HYDIN: variants seen among roughly 807,000 people sequenced by gnomAD.
HYDIN encodes axonemal central pair apparatus protein HYDIN.
Under a neutral mutation model 403.9 loss-of-function variants are expected in HYDIN, and 132 were observed. The ratio of observed to expected loss-of-function variants is 0.33; its 90% CI spans 0.28 to 0.38. The LOEUF (loss-of-function observed/expected upper bound fraction) is 0.38. Among genes scored for constraint, HYDIN ranks in the 10% least tolerant of loss-of-function variants. HYDIN has a pLI of 1.00. For synonymous variants in HYDIN, 1,202 were observed against 1,891.7 expected (o/e 0.64, Z 9.46); for missense variants, 2,827 against 5,009.5 (o/e 0.56, Z 13.15).
At chr16:71,059,291 A>C (rs536909138) in intron 18 of HYDIN, among the ~76,000 whole-genome samples, 51 of 152,100 alleles carry the variant, frequency 3.4e-4, no homozygotes, top group Non-Finnish European at 6.8e-4. Context: ...TTTACATGTA[A>C]GTCTTTCATC....
intron 1 of HYDIN, among the ~76,000 whole-genome samples, chr16:71,218,264 G>A (rs1319400899): frequency 2.0e-5 from 3 of 152,236 alleles, no homozygotes; most frequent in Non-Finnish European, 2.9e-5. Flanking sequence ...AATAAGATAT[G>A]GGGAGAAAAC....
At chr16:70,978,072 T>TTC (rs2078937977) in intron 30 of HYDIN, among the ~76,000 whole-genome samples, 1 of 152,046 alleles carries the variant, frequency 6.6e-6, no homozygotes, top group South Asian at 2.1e-4. Flanking sequence ...ACGCAGATGA[T>TTC]GCACAGAAAT....
chr16:71,141,579 T>C (rs1360363468), intron 7 of HYDIN, among the ~76,000 whole-genome samples: 5 of 151,978 alleles, frequency 3.3e-5, no homozygotes, highest in South Asian at 2.1e-4. Context: ...AGCTGCAAGA[T>C]AGCACTAGTA....
At chr16:70,915,996 C>G (rs2076828450) in intron 47 of HYDIN, among the ~76,000 whole-genome samples, 1 of 152,276 alleles carries the variant, frequency 6.6e-6, no homozygotes, top group Non-Finnish European at 1.5e-5. Flanking sequence ...CCACCATGCC[C>G]CCACCAACAG....
chr16:71,036,067 C>G (rs530339416), intron 18 of HYDIN, among the ~76,000 whole-genome samples: 108 of 152,226 alleles, frequency 7.1e-4, no homozygotes, highest in African/African-American at 2.5e-3. Flanking sequence ...GCCAAAGTTT[C>G]CTTGTTGGTT....
At chr16:70,832,482 C>T (rs1230612748) in intron 80 of HYDIN, among the ~76,000 whole-genome samples, 1 of 151,814 alleles carries the variant, frequency 6.6e-6, no homozygotes, top group Non-Finnish European at 1.5e-5. Context: ...TGCTAGGTAA[C>T]ACAGCTGATG....
At chr16:71,094,878 C>G (rs1435819611) in intron 10 of HYDIN, among the ~76,000 whole-genome samples, 1 of 152,086 alleles carries the variant, frequency 6.6e-6, no homozygotes, top group Non-Finnish European at 1.5e-5. Context: ...CAGACTTACA[C>G]ACAAATCTCC....
intron 12 of HYDIN, among the ~76,000 whole-genome samples, chr16:71,085,556 T>C (rs1002050089): frequency 4.6e-5 from 7 of 152,084 alleles, no homozygotes; most frequent in East Asian, 1.9e-4. Context: ...AAGTGGGGTA[T>C]TGACATCCCC....
At chr16:70,853,656 A>G (rs1026692999) in intron 73 of HYDIN, among the ~76,000 whole-genome samples, 4 of 143,442 alleles carry the variant, frequency 2.8e-5, no homozygotes, top group Non-Finnish European at 5.9e-5. Context: ...TGATAGACAC[A>G]GAGGAAAGTA....
chr16:71,178,326 G>C (rs2086756395), intron 4 of HYDIN, among the ~76,000 whole-genome samples: 1 of 151,192 alleles, frequency 6.6e-6, no homozygotes, highest in Admixed American at 6.6e-5. Context: ...GGCTGAGGCA[G>C]GAGAATCGCT....
chr16:70,895,780 C>T (rs1374591170), intron 54 of HYDIN, among the ~76,000 whole-genome samples: 3 of 151,928 alleles, frequency 2.0e-5, no homozygotes, highest in Non-Finnish European at 4.4e-5. Context: ...TATGACCACC[C>T]GCTTTCTACC....
intron 11 of HYDIN, among the ~76,000 whole-genome samples, chr16:71,090,716 G>C (rs1475253190): frequency 1.3e-5 from 2 of 151,958 alleles, no homozygotes; most frequent in African/African-American, 2.4e-5. Flanking sequence ...TATTGCCCAG[G>C]CTGGTCTTGA....
chr16:70,946,416 T>C (rs1319984250), intron 41 of HYDIN, among the ~76,000 whole-genome samples: 1 of 150,846 alleles, frequency 6.6e-6, no homozygotes, highest in Admixed American at 6.6e-5. Flanking sequence ...AAAGGGCCCA[T>C]TGGAGACCTG....
chr16:71,018,697 A>G (rs2080350045), intron 22 of HYDIN, among the ~76,000 whole-genome samples: 1 of 152,250 alleles, frequency 6.6e-6, no homozygotes. Flanking sequence ...TTATTAGTTG[A>G]AAATGAAAGC....
At chr16:71,152,223 A>G (rs1397810339) in intron 7 of HYDIN, among the ~76,000 whole-genome samples, 1 of 151,282 alleles carries the variant, frequency 6.6e-6, no homozygotes, top group Non-Finnish European at 1.5e-5. Context: ...TTTCTACTGG[A>G]GGCATTCATT....
chr16:71,192,352 C>T lies in HYDIN; in HGVS notation c.-23-5434G>A, dbSNP rs567302950. On this transcript the variant is annotated intron_variant, in intron 1 of 85. Transcript: ENST00000393567. Reference sequence around the variant, plus strand: ...TCCAGAATCATGCCTTTCCCATACCCCAGCCATTCTCCACGCTGCAGCCAC... The same window carrying T: ...TCCAGAATCATGCCTTTCCCATACCTCAGCCATTCTCCACGCTGCAGCCAC... 2.6e-3 allele frequency among the ~76,000 whole-genome samples: 393 copies of T among 152,278 alleles called. 1 individual carries two copies. Among genetic ancestry groups the T allele is most frequent in the African/African-American group, 8.8e-3 (367 of 41,552 alleles).
In HYDIN at chr16:70,810,129, T is replaced by C. The variant is rs2035377612; in HGVS notation, c.14659-122A>G. ...GAAATAGTGCACATGATCATGCTGTTCTTGCTCCTGGGGAACCTGTCCAAA... is the reference window on the plus strand; with the variant it reads ...GAAATAGTGCACATGATCATGCTGTCCTTGCTCCTGGGGAACCTGTCCAAA... On this transcript the variant is annotated intron_variant, in intron 84 of 85. Transcript: ENST00000393567. 7.8e-6 allele frequency: 7 copies of C among 897,362 alleles called. No homozygotes were observed. In the South Asian group the frequency reaches 9.1e-5, roughly 12 times the overall value. The allele number at this position is 897,362 out of a possible 1,614,324, so 55.6% of individuals were successfully genotyped here.
chr16:71,065,859 ATTC>A (rs1157128915), intron 15 of HYDIN, among the ~76,000 whole-genome samples: 2 of 152,226 alleles, frequency 1.3e-5, no homozygotes, highest in African/African-American at 2.4e-5. Context: ...TCTAAAAGCA[ATTC>A]TTCTGTTAAG....
intron 5 of HYDIN, 26 bp from the exon 6 acceptor site, chr16:71,162,756 T>C (rs2144605544): frequency 5.0e-6 from 3 of 594,094 alleles, no homozygotes; most frequent in East Asian, 5.5e-5. Flanking sequence ...ATGATCATTA[T>C]TTGTGGAAAA....
Sources: gnomAD v4.1 joint callset for allele counts (sites outside exome capture counted in the v4.1 genomes callset) on GRCh38, gnomAD v4.1.1 for gene constraint, MANE v1.5 for transcripts, NCBI Gene and HGNC (gene_info 2026-07-23, HGNC 2026-07-21) for gene names.